Variants in PPHLN1 observed in about 807,000 individuals in gnomAD.
PPHLN1 encodes periphilin 1, also known as periphilin-1.
In PPHLN1, 29 loss-of-function variants were observed where a neutral mutation model predicts 51.3. That is an observed-to-expected ratio of 0.57 (90% CI 0.42 to 0.77). PPHLN1 has a LOEUF of 0.77. PPHLN1 is among the 30% of genes least tolerant of loss of function. The probability of loss-of-function intolerance (pLI) is 0.00; values close to 1 mark genes in which losing one functional copy is unlikely to be tolerated. For missense variants in PPHLN1, 436 were observed against 438.4 expected, an observed-to-expected ratio of 0.99 and a Z score of 0.05; for synonymous variants, 147 against 147.8, an observed-to-expected ratio of 0.99 and a Z score of 0.04.
intron 4 of PPHLN1, among the ~76,000 whole-genome samples, chr12:42,363,510 G>A (rs545933585): frequency 6.6e-6 from 1 of 150,970 alleles, no homozygotes; most frequent in East Asian, 1.9e-4. Context: ...TAGTATACGT[G>A]TATTAGTGGT....
At chr12:42,328,997 A>T (rs1182282113) in intron 1 of PPHLN1, among the ~76,000 whole-genome samples, 1 of 152,090 alleles carries the variant, frequency 6.6e-6, no homozygotes, top group Non-Finnish European at 1.5e-5. Context: ...TACGGGCATG[A>T]GCCACCGCAC....
At chr12:42,436,093 C>A (rs1480417881) in intron 9 of PPHLN1, among the ~76,000 whole-genome samples, 1 of 152,208 alleles carries the variant, frequency 6.6e-6, no homozygotes, top group East Asian at 1.9e-4. Context: ...TGTGGTTTAC[C>A]TGCTAATTGC....
Position 42,441,530 on chromosome 12 carries a change from A to C in PPHLN1, c.*21A>C. On this transcript the variant is annotated 3_prime_UTR_variant, in exon 10 of 10. Transcript: ENST00000358314. ...TTTAGATTTTTCTGCTCAGGCTAAA[A>C]AAAAAAAAAAACAGTTTCTAAAAAT... The C allele has an allele frequency of 6.7e-7, 1 of 1,499,080 alleles. No homozygotes were observed. Among genetic ancestry groups the C allele is most frequent in the South Asian group, 1.3e-5 (1 of 76,662 alleles). 92.9% of individuals were successfully genotyped at this position (1,499,080 alleles called of 1,614,324 possible). A position where few individuals can be genotyped will look rare whatever the true frequency, so the allele number is the denominator to read the frequency against.
intron 9 of PPHLN1, among the ~76,000 whole-genome samples, chr12:42,434,221 G>A (rs775538556): frequency 2.8e-4 from 42 of 152,162 alleles, no homozygotes; most frequent in Non-Finnish European, 1.3e-4. Context: ...TTGTAAGTGG[G>A]ATCAGAATGA....
At chr12:42,370,159 G>A (rs979084195) in intron 4 of PPHLN1, among the ~76,000 whole-genome samples, 19 of 152,248 alleles carry the variant, frequency 1.2e-4, no homozygotes, top group African/African-American at 4.6e-4. Context: ...AACATTTCGT[G>A]TGCATAGGAA....
chr12:42,442,726 A>T (rs1476739877), downstream of PPHLN1: 1 of 1,613,754 alleles, frequency 6.2e-7, no homozygotes, highest in Non-Finnish European at 8.5e-7. Context: ...ACGAAGGCGA[A>T]GAGACTGCGC....
chr12:42,335,866 C>CTT lies in PPHLN1; in HGVS notation c.-20-8_-20-7dup, dbSNP rs746440367. The CTT allele has an allele frequency of 5.2e-5, 68 of 1,296,994 alleles. No homozygotes were observed. The highest frequency in any genetic ancestry group is 1.3e-4 in the South Asian group (8 of 62,310). 80.3% of individuals were successfully genotyped at this position (1,296,994 alleles called of 1,614,324 possible). On this transcript the variant is annotated splice_polypyrimidine_tract_variant and intron_variant, in intron 1 of 9. Transcript: ENST00000358314. ...ACTTCCTAGTATAAAATCCATAATT[C>CTT]TTTTTTTTTTCTTTAGTGGCTTACA...
intron 9 of PPHLN1, chr12:42,433,506 G>A (rs1796396): frequency 0.3 from 70,142 of 235,524 alleles, 12,322 homozygotes; most frequent in Non-Finnish European, 0.37. Flanking sequence ...CTATTTTTTA[G>A]TAGAGACGGG....
At chr12:42,365,601 A>G (rs2075184076) in intron 4 of PPHLN1, among the ~76,000 whole-genome samples, 1 of 148,266 alleles carries the variant, frequency 6.7e-6, no homozygotes, top group Non-Finnish European at 1.5e-5. Flanking sequence ...TCAAATAAGC[A>G]TCTAAAGTAA....
intron 9 of PPHLN1, among the ~76,000 whole-genome samples, chr12:42,430,807 A>C (rs1043146388): frequency 6.6e-6 from 1 of 152,176 alleles, no homozygotes; most frequent in Non-Finnish European, 1.5e-5. Flanking sequence ...ACACTGTGTT[A>C]TCTCTTTTTT....
At chr12:42,390,993 A>G (rs1205824453) in intron 7 of PPHLN1, among the ~76,000 whole-genome samples, 3 of 152,030 alleles carry the variant, frequency 2.0e-5, no homozygotes, top group African/African-American at 7.3e-5. Context: ...AATGGAATCA[A>G]AATATCACAA....
chr12:42,389,500 C>G (rs2077499095), intron 7 of PPHLN1, among the ~76,000 whole-genome samples: 1 of 152,168 alleles, frequency 6.6e-6, no homozygotes, highest in African/African-American at 2.4e-5. Flanking sequence ...GCGGGTGTTG[C>G]AGTGAGCTGA....
In PPHLN1 at chr12:42,433,901, A is replaced by G. The variant is rs115248625; in HGVS notation, c.910-7414A>G. 3.6e-3 allele frequency among the ~76,000 whole-genome samples: 548 copies of G among 152,326 alleles called. 5 individuals carry two copies. Among genetic ancestry groups the G allele is most frequent in the African/African-American group, 0.013 (531 of 41,578 alleles). On this transcript the variant is annotated intron_variant, in intron 9 of 9. Coordinates refer to ENST00000358314, the MANE Select transcript of PPHLN1 (RefSeq NM_201439.2). The stretch of plus-strand genomic sequence containing the variant: ...ATGATAGATATTACTATCTATATGT[A>G]TCCCATAACATGTTGTAAACCTTAA...
chr12:42,425,474 C>T (rs2081375350), intron 9 of PPHLN1, among the ~76,000 whole-genome samples: 1 of 151,730 alleles, frequency 6.6e-6, no homozygotes, highest in African/African-American at 2.4e-5. Flanking sequence ...GCAACCTCTG[C>T]CTCCCGGGTT....
At chr12:42,406,174 TC>T (rs2079285567) in intron 9 of PPHLN1, among the ~76,000 whole-genome samples, 1 of 149,796 alleles carries the variant, frequency 6.7e-6, no homozygotes, top group African/African-American at 2.4e-5. Context: ...AACTCCACCT[TC>T]CGGGTTCATG....
At chr12:42,352,081 A>T in intron 3 of PPHLN1, 32 bp downstream of exon 3, 1 of 1,384,794 alleles carries the variant, frequency 7.2e-7, no homozygotes. Flanking sequence ...ACTAATTGTT[A>T]TTTCTTATAA....
downstream of PPHLN1, chr12:42,447,236 A>T (rs1338439091): frequency 6.6e-6 from 1 of 152,210 alleles, no homozygotes; most frequent in Non-Finnish European, 1.5e-5. Context: ...TATTTTTTAA[A>T]TTTTTTTATA....
chr12:42,341,795 G>C (rs144971451), intron 2 of PPHLN1, among the ~76,000 whole-genome samples: 1,951 of 152,136 alleles, frequency 0.013, 47 homozygotes, highest in African/African-American at 0.044. Flanking sequence ...CTAATTTTTT[G>C]TATTTTTGGT....
intron 5 of PPHLN1, among the ~76,000 whole-genome samples, chr12:42,382,439 C>G (rs1353800258): frequency 6.6e-6 from 1 of 151,832 alleles, no homozygotes. Flanking sequence ...AACCCATTTT[C>G]TTTTGCAAGT....
Sources: allele counts gnomAD v4.1 joint callset (sites outside exome capture counted in the v4.1 genomes callset), GRCh38; gene constraint gnomAD v4.1.1; transcripts MANE v1.5; gene names NCBI Gene and HGNC (gene_info 2026-07-23, HGNC 2026-07-21).